CARM1: variants seen among roughly 807,000 people sequenced by gnomAD.
The protein encoded by CARM1 is histone-arginine methyltransferase CARM1.
In CARM1, 14 loss-of-function variants were observed where a neutral mutation model predicts 72.7. The observed-to-expected ratio is 0.19, with a 90% CI of 0.13 to 0.30. The LOEUF (loss-of-function observed/expected upper bound fraction) is 0.30, where lower values mean the gene tolerates loss of function less well. Ranked by LOEUF, CARM1 falls within the 10% of genes least tolerant of loss-of-function variation. The pLI is 1.00. For synonymous variants in CARM1, 333 were observed against 345.5 expected (o/e 0.96, Z 0.40); for missense variants, 432 against 833.7 (o/e 0.52, Z 5.93).
intron 8 of CARM1, among the ~76,000 whole-genome samples, chr19:10,918,573 C>T (rs1381109097): frequency 1.3e-5 from 2 of 152,268 alleles, no homozygotes; most frequent in Non-Finnish European, 2.9e-5. Context: ...CTCTGATGCC[C>T]TGCCTCGCTC....
At chr19:10,905,951 T>A (rs1161294969) in intron 2 of CARM1, among the ~76,000 whole-genome samples, 1 of 145,388 alleles carries the variant, frequency 6.9e-6, no homozygotes, top group African/African-American at 2.6e-5. Flanking sequence ...CCTTTTTTTT[T>A]TTTTTTTTTT....
chr19:10,907,529 T>C (rs1209085882), intron 2 of CARM1, among the ~76,000 whole-genome samples: 1 of 151,510 alleles, frequency 6.6e-6, no homozygotes, highest in Non-Finnish European at 1.5e-5. Context: ...CACCTCAGCC[T>C]CCCACCTCAG....
rs2073815044 is a variant in CARM1 at position 10,871,610 on chromosome 19, G to GGCGGCGGCGGCT, written c.-82_-81insTGCGGCGGCGGC. On this transcript the variant is annotated 5_prime_UTR_variant, in exon 1 of 16. Coordinates refer to ENST00000327064, the MANE Select transcript of CARM1 (RefSeq NM_199141.2). The surrounding 1 kb of genome is among the most constrained non-coding windows in gnomAD (Gnocchi z 5.6). The stretch of plus-strand genomic sequence containing the variant: ...CGGCAGCGGCGGCGGCGGCGGCGGC[G>GGCGGCGGCGGCT]GCGGCGGCGGCGGCGGCGGCGGCGG... 13 of 132,864 alleles carry GGCGGCGGCGGCT rather than the reference G, an allele frequency of 9.8e-5. No homozygotes were observed. The highest frequency in any genetic ancestry group is 1.8e-4 in the Non-Finnish European group (12 of 66,630). 8.2% of individuals were successfully genotyped at this position (132,864 alleles called of 1,614,324 possible).
At position 10,916,302 on chromosome 19, in the gene CARM1, G is replaced by T; in HGVS notation, c.848-105G>T. 1.4e-6 allele frequency: 1 copy of T among 734,388 alleles called. No individual in the cohort carries two copies. The highest frequency in any genetic ancestry group is 1.6e-5 in the South Asian group (1 of 63,514). 45.5% of individuals were successfully genotyped at this position (734,388 alleles called of 1,614,324 possible). A position where few individuals can be genotyped will look rare whatever the true frequency, so the allele number is the denominator to read the frequency against. ...GAGTGCAGGAACGAATGGATGACAGGCTGGGAGCACCCAGGGTTGGGGGTC... is the reference window on the plus strand; with the variant it reads ...GAGTGCAGGAACGAATGGATGACAGTCTGGGAGCACCCAGGGTTGGGGGTC... On this transcript the variant is annotated intron_variant, in intron 6 of 15. Transcript: ENST00000327064. The surrounding 1 kb of genome is among the most constrained non-coding windows in gnomAD (Gnocchi z 4.4).
At chr19:10,876,168 C>T (rs913010838) in intron 1 of CARM1, among the ~76,000 whole-genome samples, 5 of 151,948 alleles carry the variant, frequency 3.3e-5, no homozygotes, top group East Asian at 3.9e-4. Context: ...TGTGAGCCAC[C>T]GCCACCAGCC....
At chr19:10,921,192 G>C (rs2074243460) in intron 14 of CARM1, 65 bp downstream of exon 14, 5 of 1,543,126 alleles carry the variant, frequency 3.2e-6, no homozygotes, top group Non-Finnish European at 4.5e-6. Context: ...GGGCCGGGAA[G>C]GGCCTGTGGT....
intron 14 of CARM1, 39 bp downstream of exon 14, chr19:10,921,166 G>A: frequency 1.3e-6 from 2 of 1,582,316 alleles, no homozygotes; most frequent in African/African-American, 2.7e-5. Context: ...AGGGAGCCAT[G>A]CCCAGGACTG....
At chr19:10,877,075 C>T (rs752743297) in intron 1 of CARM1, among the ~76,000 whole-genome samples, 18 of 152,138 alleles carry the variant, frequency 1.2e-4, no homozygotes, top group Non-Finnish European at 2.2e-4. Context: ...GGCCTGCTGT[C>T]ACCGAACCAG....
intron 4 of CARM1, 140 bp downstream of exon 4, chr19:10,909,347 C>G: frequency 1.7e-6 from 1 of 585,522 alleles, no homozygotes; most frequent in East Asian, 3.1e-5. Flanking sequence ...AGGAGGATCG[C>G]TTCAGTCCAT....
chr19:10,897,324 TAG>T (rs1324612715), intron 1 of CARM1, among the ~76,000 whole-genome samples: 1 of 152,204 alleles, frequency 6.6e-6, no homozygotes, highest in Admixed American at 6.5e-5. Context: ...GCCTGGCTGT[TAG>T]AGTGTTGTCA....
In CARM1 at chr19:10,906,461, T is replaced by C. The variant is rs75874632; in HGVS notation, c.346+1385T>C. Among the ~76,000 whole-genome samples the C allele has an allele frequency of 2.2e-3, 331 of 152,352 alleles. 1 individual carries two copies. The highest frequency in any genetic ancestry group is 7.7e-3 in the African/African-American group (322 of 41,582). On this transcript the variant is annotated intron_variant, in intron 2 of 15. Transcript: ENST00000327064. ...ACTTGCTCATCCCGAACTGTGTCTT[T>C]TCATTGTTTTTGAGACGGAGTCTCG...
chr19:10,888,169 A>C (rs34837445), intron 1 of CARM1, among the ~76,000 whole-genome samples: 1 of 152,064 alleles, frequency 6.6e-6, no homozygotes, highest in Admixed American at 6.5e-5. Context: ...ACAATGTGAC[A>C]GACCCTCTTT....
chr19:10,875,645 C>T (rs1023017121), intron 1 of CARM1, among the ~76,000 whole-genome samples: 6 of 152,036 alleles, frequency 3.9e-5, no homozygotes, highest in Non-Finnish European at 8.8e-5. Flanking sequence ...AGGATGGTCT[C>T]CATCTCCTGA....
intron 1 of CARM1, among the ~76,000 whole-genome samples, chr19:10,876,918 C>T (rs759339355): frequency 3.3e-5 from 5 of 152,254 alleles, no homozygotes; most frequent in African/African-American, 7.2e-5. Context: ...GTCAGTGTGG[C>T]CAGTGCTTTA....
Position 10,919,985 on chromosome 19 carries a change from C to T in CARM1, c.1196+19C>T, listed in dbSNP as rs1488590292. On this transcript the variant is annotated intron_variant, in intron 10 of 15. Coordinates refer to ENST00000327064, the MANE Select transcript of CARM1 (RefSeq NM_199141.2). ...GCTCCATGTGAGTGCCGCAGAGCAG[C>T]CCATGCTGCCTCCTCCCCACTCCCA... The T allele has an allele frequency of 3.1e-6, 5 of 1,597,508 alleles. No homozygotes were observed. The highest frequency in any genetic ancestry group is 4.3e-6 in the Non-Finnish European group (5 of 1,165,540).
rs1341710896 is a variant in CARM1 at position 10,919,920 on chromosome 19, G to C, written c.1150G>C (p.Val384Leu). ...FKFHMLHSGL[V>L]HGLAFWFDVA... The stretch of plus-strand genomic sequence containing the variant: ...ATTCCACATGCTGCATTCAGGGCTG[G>C]TCCACGGCCTGGCTTTCTGGTTTGA... The change falls in exon 10 of 16, where the codon GTC becomes CTC. Residue 384 changes from valine to leucine, a missense_variant. Val to Leu is a conservative substitution (Grantham distance 32). Coordinates refer to ENST00000327064, the MANE Select transcript of CARM1 (RefSeq NM_199141.2). 6.2e-7 allele frequency: 1 copy of C among 1,614,190 alleles called. No homozygotes were observed. The highest frequency in any genetic ancestry group is 1.1e-5 in the South Asian group (1 of 91,086).
At chr19:10,891,287 TC>T (rs1375546436) in intron 1 of CARM1, among the ~76,000 whole-genome samples, 2 of 152,070 alleles carry the variant, frequency 1.3e-5, no homozygotes, top group Non-Finnish European at 2.9e-5. Context: ...ATTTTATTTT[TC>T]TAGACACTAA....
intron 1 of CARM1, among the ~76,000 whole-genome samples, chr19:10,873,625 T>TTTC: frequency 3.1e-5 from 1 of 31,966 alleles, no homozygotes; most frequent in African/African-American, 1.3e-4. Flanking sequence ...TTTAGTTTAG[T>TTTC]TTTTTTTTTT....
At position 10,916,372 on chromosome 19, in the gene CARM1, C is replaced by T. The variant is rs909004300; in HGVS notation, c.848-35C>T. On this transcript the variant is annotated intron_variant, in intron 6 of 15. Transcript: ENST00000327064. This position sits in a 1 kb window ranked among gnomAD's most constrained non-coding sequence, Gnocchi z 4.4. ...CTGCCAGGCAGTGTGGGATGTGTCA[C>T]CTGACGCCAGCACCCCTCCCTGCCC... 1.4e-6 allele frequency: 2 copies of T among 1,453,266 alleles called. No homozygotes were observed. The allele number at this position is 1,453,266 out of a possible 1,614,324, so 90.0% of individuals were successfully genotyped here.
Sources: allele counts gnomAD v4.1 joint callset (sites outside exome capture counted in the v4.1 genomes callset), GRCh38; gene constraint gnomAD v4.1.1; non-coding constraint Gnocchi (gnomAD v3.1); transcripts MANE v1.5; gene names NCBI Gene and HGNC (gene_info 2026-07-23, HGNC 2026-07-21).